The following B3GALT1 variants were observed in gnomAD, a reference collection of about 807,000 sequenced individuals.
B3GALT1 encodes UDP-Gal:betaGlcNAc beta 1,3-galactosyltransferase, polypeptide 1.
Under a neutral mutation model 23.2 loss-of-function variants are expected in B3GALT1, and 10 were observed. The ratio of observed to expected loss-of-function variants is 0.43; its 90% CI spans 0.27 to 0.73. B3GALT1 has a LOEUF of 0.73. B3GALT1 is among the 30% of genes least tolerant of loss of function. The pLI, the probability that B3GALT1 is intolerant of heterozygous loss-of-function variation, is 0.21. For synonymous variants in B3GALT1, 156 were observed against 141.5 expected, an observed-to-expected ratio of 1.10 and a Z score of -0.73; for missense variants, 299 against 405.4, an observed-to-expected ratio of 0.74 and a Z score of 2.25.
chr2:167,811,339 A>G (rs1341309863), intron 3 of B3GALT1, among the ~76,000 whole-genome samples: 2 of 152,184 alleles, frequency 1.3e-5, no homozygotes, highest in Non-Finnish European at 2.9e-5. Flanking sequence ...GATTTATCTC[A>G]CAACTTAGCC....
chr2:167,508,258 ATTT>A (rs71031292), intron 2 of B3GALT1, among the ~76,000 whole-genome samples: 4,160 of 135,162 alleles, frequency 0.031, 147 homozygotes, highest in African/African-American at 0.088. Context: ...ATTTTTATTA[ATTT>A]TTTTTTTTTT....
intron 1 of B3GALT1, among the ~76,000 whole-genome samples, chr2:167,353,050 C>G (rs1364456332): frequency 6.6e-6 from 1 of 152,048 alleles, no homozygotes; most frequent in Non-Finnish European, 1.5e-5. Context: ...GGAAAGAGAC[C>G]TATCTCTGTA....
At chr2:167,861,879 T>C (rs1690108269) in intron 4 of B3GALT1, among the ~76,000 whole-genome samples, 1 of 152,196 alleles carries the variant, frequency 6.6e-6, no homozygotes, top group South Asian at 2.1e-4. Context: ...GCCTGGCACC[T>C]AGTAGTATTC....
intron 1 of B3GALT1, among the ~76,000 whole-genome samples, chr2:167,433,713 AAAC>A: frequency 6.6e-6 from 1 of 152,346 alleles, no homozygotes; most frequent in Admixed American, 6.5e-5. Context: ...GTGATATGGA[AAAC>A]AACAAAGAAT....
intron 1 of B3GALT1, among the ~76,000 whole-genome samples, chr2:167,298,315 A>G (rs995670610): frequency 6.6e-5 from 10 of 152,182 alleles, no homozygotes; most frequent in Admixed American, 2.6e-4. Context: ...GATGAAGTAT[A>G]TAAGTTAACA....
At chr2:167,466,389 G>C (rs546068877) in intron 1 of B3GALT1, among the ~76,000 whole-genome samples, 2 of 151,998 alleles carry the variant, frequency 1.3e-5, no homozygotes, top group East Asian at 3.9e-4. Context: ...AGGCTGAGGA[G>C]GGTGGATCAC....
intron 2 of B3GALT1, among the ~76,000 whole-genome samples, chr2:167,632,411 A>G (rs1685465830): frequency 6.6e-6 from 1 of 152,104 alleles, no homozygotes; most frequent in African/African-American, 2.4e-5. Context: ...ACTCCCACCA[A>G]CATTGCAAAA....
intron 3 of B3GALT1, among the ~76,000 whole-genome samples, chr2:167,710,335 G>A (rs1687029311): frequency 6.6e-6 from 1 of 152,236 alleles, no homozygotes; most frequent in Admixed American, 6.5e-5. Context: ...CCAGTAGGGT[G>A]TCAATCCACA....
In B3GALT1 at chr2:167,675,663, C is replaced by G. The variant is rs1233808107; in HGVS notation, c.-352+28697C>G. 3.3e-5 allele frequency among the ~76,000 whole-genome samples: 5 copies of G among 152,090 alleles called. No individual in the cohort carries two copies. The East Asian group carries it at 7.7e-4, about 23-fold the overall frequency. ...TGAACAACTCCTAGCAAAAACAAAC[C>G]CCAAAAACTCTGACCAAGATACAGC... is the stretch of plus-strand genomic sequence containing the variant. On this transcript the variant is annotated intron_variant, in intron 3 of 4. Coordinates refer to ENST00000392690, the MANE Select transcript of B3GALT1 (RefSeq NM_020981.4).
At chr2:167,485,557 G>T (rs1020927538) in intron 1 of B3GALT1, among the ~76,000 whole-genome samples, 2 of 152,088 alleles carry the variant, frequency 1.3e-5, no homozygotes, top group African/African-American at 4.8e-5. Context: ...CTTGACAAAT[G>T]GCATTAAGTT....
At chr2:167,352,270 TTTTTTTTTTG>T (rs200263144) in intron 1 of B3GALT1, among the ~76,000 whole-genome samples, 602 of 30,204 alleles carry the variant, frequency 0.02, 7 homozygotes, top group East Asian at 0.051. Flanking sequence ...CCTGGCCTGT[TTTTTTTTTTG>T]TTTTTTTTTT....
chr2:167,855,492 C>T (rs556994748), intron 4 of B3GALT1, among the ~76,000 whole-genome samples: 1 of 152,222 alleles, frequency 6.6e-6, no homozygotes, highest in South Asian at 2.1e-4. Context: ...ACTGTATAGA[C>T]TGTCACATAC....
chr2:167,554,211 T>C (rs1683803236), intron 2 of B3GALT1, among the ~76,000 whole-genome samples: 1 of 152,200 alleles, frequency 6.6e-6, no homozygotes. Flanking sequence ...TTATGGTGTT[T>C]AAGAGAAGAT....
At chr2:167,631,566 C>T (rs1271938971) in intron 2 of B3GALT1, 1 of 151,652 alleles carries the variant, frequency 6.6e-6, no homozygotes, top group Non-Finnish European at 1.5e-5. Context: ...ATTTTTTTTA[C>T]TAATCTGGGT....
intron 3 of B3GALT1, among the ~76,000 whole-genome samples, chr2:167,732,634 T>A (rs1484917340): frequency 6.6e-6 from 1 of 152,136 alleles, no homozygotes; most frequent in African/African-American, 2.4e-5. Context: ...AACCAATAAT[T>A]GAATAAGGTT....
At chr2:167,576,455 T>G (rs1340346438) in intron 2 of B3GALT1, among the ~76,000 whole-genome samples, 1 of 150,950 alleles carries the variant, frequency 6.6e-6, no homozygotes, top group Non-Finnish European at 1.5e-5. Context: ...TAAGGAGAAT[T>G]TTTTAGTGAG....
At chr2:167,384,740 C>G (rs578253461) in intron 1 of B3GALT1, among the ~76,000 whole-genome samples, 211 of 152,232 alleles carry the variant, frequency 1.4e-3, no homozygotes, top group African/African-American at 4.7e-3. Context: ...TTCCTCTTAG[C>G]ATCTGGCCTT....
chr2:167,696,850 G>A (rs1016972033), intron 3 of B3GALT1, among the ~76,000 whole-genome samples: 5 of 152,158 alleles, frequency 3.3e-5, no homozygotes, highest in African/African-American at 1.2e-4. Flanking sequence ...AACAGCTGTT[G>A]ATTGATTTAA....
intron 3 of B3GALT1, among the ~76,000 whole-genome samples, chr2:167,750,906 G>A (rs1687725151): frequency 6.6e-6 from 1 of 152,046 alleles, no homozygotes; most frequent in Non-Finnish European, 1.5e-5. Context: ...GATCCAAGCA[G>A]TGAGATGAAG....
Sources: gnomAD v4.1 joint callset for allele counts (sites outside exome capture counted in the v4.1 genomes callset) on GRCh38, gnomAD v4.1.1 for gene constraint, MANE v1.5 for transcripts, NCBI Gene and HGNC (gene_info 2026-07-23, HGNC 2026-07-21) for gene names.